The following NBAS variants were observed in gnomAD, a reference collection of about 807,000 sequenced individuals.
NBAS encodes NAG/BC035112 fusion.
In NBAS, 219 loss-of-function variants were observed where a neutral mutation model predicts 302.5. The ratio of observed to expected loss-of-function variants is 0.72; its 90% CI spans 0.65 to 0.81. The LOEUF (loss-of-function observed/expected upper bound fraction) is 0.81, where lower values mean the gene tolerates loss of function less well. NBAS is among the 30% of genes least tolerant of loss of function. The pLI is 0.00. For missense variants in NBAS, 2,932 were observed against 2,841.6 expected, an observed-to-expected ratio of 1.03 and a Z score of -0.72; for synonymous variants, 1,118 against 1,021.6, an observed-to-expected ratio of 1.09 and a Z score of -1.80.
chr2:15,053,430 G>A, the NBAS span, among the ~76,000 whole-genome samples: 3 of 152,166 alleles, frequency 2.0e-5, no homozygotes, highest in Non-Finnish European at 2.9e-5. Flanking sequence ...TCTAAGCCTC[G>A]GTTCACCCAC....
the NBAS span, among the ~76,000 whole-genome samples, chr2:14,928,144 T>C: frequency 2.0e-5 from 3 of 152,246 alleles, no homozygotes; most frequent in African/African-American, 7.2e-5. Flanking sequence ...TTCAGAAATA[T>C]ACAAATGAGT....
the NBAS span, among the ~76,000 whole-genome samples, chr2:15,012,038 A>G: frequency 2.6e-5 from 4 of 152,236 alleles, no homozygotes; most frequent in Non-Finnish European, 5.9e-5. Flanking sequence ...ACACCTCCAA[A>G]GGAACATAAT....
chr2:15,482,079 G>C (rs903257419), intron 12 of NBAS, among the ~76,000 whole-genome samples: 12 of 152,094 alleles, frequency 7.9e-5, no homozygotes, highest in African/African-American at 2.9e-4. Context: ...TTTTTACAAG[G>C]CTGTCCATTC....
chr2:15,517,035 A>G (rs149430281), intron 9 of NBAS, among the ~76,000 whole-genome samples: 68 of 152,306 alleles, frequency 4.5e-4, no homozygotes, highest in African/African-American at 1.6e-3. Flanking sequence ...GCACACAACT[A>G]ACTATCCCAC....
At chr2:15,406,116 C>CAAAAAAAAAAAAAAA (rs772651880) in intron 25 of NBAS, among the ~76,000 whole-genome samples, 1 of 134,528 alleles carries the variant, frequency 7.4e-6, no homozygotes, top group Non-Finnish European at 1.6e-5. Context: ...AAAAAAAAAA[C>CAAAAAAAAAAAAAAA]AAAACAAAAA....
chr2:15,154,771 A>G, the NBAS span, among the ~76,000 whole-genome samples: 1 of 152,152 alleles, frequency 6.6e-6, no homozygotes, highest in African/African-American at 2.4e-5. Flanking sequence ...ACCCTGGACA[A>G]TGTGAGAGTG....
At chr2:15,334,741 G>GT (rs141609744) in intron 35 of NBAS, among the ~76,000 whole-genome samples, 1 of 152,258 alleles carries the variant, frequency 6.6e-6, no homozygotes, top group African/African-American at 2.4e-5. Flanking sequence ...CCTTTCCTGT[G>GT]TTTAATCCAT....
chr2:15,059,039 C>A, the NBAS span, among the ~76,000 whole-genome samples: 1 of 152,210 alleles, frequency 6.6e-6, no homozygotes, highest in African/African-American at 2.4e-5. Context: ...ACCTCCATGT[C>A]TCAAAGGCTC....
At chr2:14,913,360 C>T in the NBAS span, among the ~76,000 whole-genome samples, 1 of 152,026 alleles carries the variant, frequency 6.6e-6, no homozygotes, top group Non-Finnish European at 1.5e-5. Flanking sequence ...TATCTCAAGA[C>T]ATAAGTCATT....
chr2:15,184,533 T>C (rs1472272190), intron 50 of NBAS, among the ~76,000 whole-genome samples: 2 of 151,822 alleles, frequency 1.3e-5, no homozygotes, highest in Non-Finnish European at 2.9e-5. Flanking sequence ...GCATGTGTAG[T>C]TCACAATAGA....
intron 44 of NBAS, among the ~76,000 whole-genome samples, chr2:15,265,979 T>C (rs1669057953): frequency 1.3e-5 from 2 of 152,204 alleles, no homozygotes; most frequent in Non-Finnish European, 2.9e-5. Flanking sequence ...AAATCTTGCC[T>C]TGAATTGTAA....
chr2:15,500,692 T>C (rs959124148), intron 11 of NBAS, among the ~76,000 whole-genome samples: 2 of 151,494 alleles, frequency 1.3e-5, no homozygotes, highest in African/African-American at 4.9e-5. Context: ...TCCCAGCACT[T>C]TGGGAGGCCG....
chr2:14,984,666 C>A, the NBAS span, among the ~76,000 whole-genome samples: 1 of 152,232 alleles, frequency 6.6e-6, no homozygotes, highest in Non-Finnish European at 1.5e-5. Context: ...ATACTTCCCT[C>A]CATATTCCCC....
At chr2:14,916,863 T>A in the NBAS span, among the ~76,000 whole-genome samples, 7 of 152,208 alleles carry the variant, frequency 4.6e-5, no homozygotes, top group Admixed American at 2.0e-4. Context: ...GTTTGTTCTG[T>A]TCCCAGGCCT....
chr2:15,349,044 G>C lies in NBAS; in HGVS notation c.4179+2948C>G, dbSNP rs527704883. Among the ~76,000 whole-genome samples, 63 of 152,272 alleles carry C rather than the reference G, an allele frequency of 4.1e-4. No homozygotes were observed. In the South Asian group the frequency reaches 0.013, roughly 31 times the overall value. Reference sequence around the variant, plus strand: ...AGATAAGAAGTGTCCTCCAAACAGAGAGAAAACTCTATAAAATAACACTAA... The same window carrying C: ...AGATAAGAAGTGTCCTCCAAACAGACAGAAAACTCTATAAAATAACACTAA... On this transcript the variant is annotated intron_variant, in intron 35 of 51. Coordinates refer to ENST00000281513, the MANE Select transcript of NBAS (RefSeq NM_015909.4).
intron 6 of NBAS, among the ~76,000 whole-genome samples, chr2:15,549,406 T>C (rs953039315): frequency 2.0e-5 from 3 of 152,194 alleles, no homozygotes; most frequent in African/African-American, 7.2e-5. Context: ...AAGGCTGTGA[T>C]GGTGGAAGTA....
the NBAS span, among the ~76,000 whole-genome samples, chr2:15,147,807 C>T: frequency 1.2e-4 from 18 of 151,860 alleles, no homozygotes; most frequent in Non-Finnish European, 2.5e-4. Context: ...ATAATTATCA[C>T]ATCAGTTCAT....
At chr2:15,369,109 AAC>A (rs1470772668) in intron 31 of NBAS, among the ~76,000 whole-genome samples, 1 of 152,174 alleles carries the variant, frequency 6.6e-6, no homozygotes, top group Non-Finnish European at 1.5e-5. Context: ...AGGTACTTTT[AAC>A]ACATTTCTAA....
chr2:14,783,308 A>G, the NBAS span, among the ~76,000 whole-genome samples: 1 of 151,750 alleles, frequency 6.6e-6, no homozygotes, highest in Non-Finnish European at 1.5e-5. Flanking sequence ...AGTTCCTCCA[A>G]ATTCTTTTTT....
Sources: allele counts gnomAD v4.1 joint callset (sites outside exome capture counted in the v4.1 genomes callset), GRCh38; gene constraint gnomAD v4.1.1; transcripts MANE v1.5; gene names NCBI Gene and HGNC (gene_info 2026-07-23, HGNC 2026-07-21).